The following FAT1 variants were observed in gnomAD, a reference collection of about 807,000 sequenced individuals.
The protein encoded by FAT1 is FAT atypical cadherin 1.
A neutral mutation model predicts 329.8 loss-of-function variants in FAT1; 171 were observed. The ratio of observed to expected loss-of-function variants is 0.52; its 90% confidence interval spans 0.46 to 0.59. The LOEUF (loss-of-function observed/expected upper bound fraction) is 0.59, where lower values mean the gene tolerates loss of function less well. FAT1 is among the 20% of genes least tolerant of loss of function. The probability of loss-of-function intolerance (pLI) is 0.00; values close to 1 mark genes in which losing one functional copy is unlikely to be tolerated. For synonymous variants in FAT1, 2,233 were observed against 2,228.6 expected (o/e 1.00, Z -0.06); for missense variants, 5,672 against 5,774.4 (o/e 0.98, Z 0.57).
chr4:186,655,880 A>G (rs1741877841), intron 3 of FAT1, among the ~76,000 whole-genome samples: 1 of 152,254 alleles, frequency 6.6e-6, no homozygotes, highest in Non-Finnish European at 1.5e-5. Context: ...GAAAATGCAA[A>G]CACTAGTTGC....
intron 11 of FAT1, among the ~76,000 whole-genome samples, chr4:186,614,841 G>A (rs2637775): frequency 0.2 from 30,016 of 151,808 alleles, 4,208 homozygotes; most frequent in African/African-American, 0.41. Context: ...GATTCTCGAA[G>A]GCCACAGAAG....
chr4:186,711,456 T>C (rs1302633213), intron 1 of FAT1, among the ~76,000 whole-genome samples: 4 of 152,216 alleles, frequency 2.6e-5, no homozygotes, highest in African/African-American at 9.7e-5. Flanking sequence ...ACAGTTCTAA[T>C]ACTCAGGGAA....
At chr4:186,590,420 AG>A in intron 26 of FAT1, 2 of 1,287,992 alleles carry the variant, frequency 1.6e-6, no homozygotes, top group Non-Finnish European at 2.0e-6. Context: ...GTGGCAGAGT[AG>A]AAAAAAAAGA....
rs541572474 is a variant in FAT1 at position 186,648,273 on chromosome 4, CAAAT to C, written c.3581-8494_3581-8491del. Among the ~76,000 whole-genome samples, 68 of 152,204 alleles carry C rather than the reference CAAAT, an allele frequency of 4.5e-4. No homozygotes were observed. The East Asian group carries it at 0.012, about 27-fold the overall frequency. On this transcript the variant is annotated intron_variant, in intron 3 of 26. Transcript: ENST00000441802. ...TTTAATCTTTAATGGGCATATTACTCAAATAAATTTAAATATTAAAACATTTTAA... is the reference window on the plus strand; with the variant it reads ...TTTAATCTTTAATGGGCATATTACTCAAATTTAAATATTAAAACATTTTAA...
At position 186,588,864 on chromosome 4, in the gene FAT1, A is replaced by C. The variant is rs757448356; in HGVS notation, c.13495T>G (p.Ser4499Ala). 1.9e-6 allele frequency: 3 copies of C among 1,614,016 alleles called. No homozygotes were observed. The highest frequency in any genetic ancestry group is 2.5e-6 in the Non-Finnish European group (3 of 1,179,898). ...YLPNFYPLDMSEPQTKGTGEN... is the reference protein window; with the variant it reads ...YLPNFYPLDMAEPQTKGTGEN... ...CCAGTGCCTTTTGTTTGAGGTTCAGACATATCGAGGGGATAAAAATTGGGC... is the reference window on the plus strand; with the variant it reads ...CCAGTGCCTTTTGTTTGAGGTTCAGCCATATCGAGGGGATAAAAATTGGGC... Residue 4499 changes from serine to alanine, a missense_variant, in exon 27 of 27, where the codon TCT (serine) becomes GCT (alanine). Physicochemically the swap from Ser to Ala is moderately conservative, Grantham distance 99. This residue lies in a region of FAT1 where 1,706 missense variants were observed against 1,859.1 expected (regional missense o/e 0.92). Coordinates refer to ENST00000441802, the MANE Select transcript of FAT1 (RefSeq NM_005245.4).
Position 186,587,902 on chromosome 4 carries a change from G to GT in FAT1, c.*689dup. 9.2e-6 allele frequency: 2 copies of GT among 217,708 alleles called. No homozygotes were observed. The highest frequency in any genetic ancestry group is 1.8e-5 in the Non-Finnish European group (2 of 108,162). 13.5% of individuals were successfully genotyped at this position (217,708 alleles called of 1,614,324 possible). A position where few individuals can be genotyped will look rare whatever the true frequency, so the allele number is the denominator to read the frequency against. ...CAAATATACAGACACTATAAAAACT[G>GT]TGTCATGGTGGTTTTGGTTCTAAAC... On this transcript the variant is annotated 3_prime_UTR_variant, in exon 27 of 27. Coordinates refer to ENST00000441802, the MANE Select transcript of FAT1 (RefSeq NM_005245.4).
intron 1 of FAT1, among the ~76,000 whole-genome samples, chr4:186,711,404 T>C (rs900570656): frequency 3.3e-5 from 5 of 151,486 alleles, no homozygotes; most frequent in African/African-American, 1.2e-4. Context: ...AAGAAAACAA[T>C]TTTCTCCCAA....
upstream of FAT1, among the ~76,000 whole-genome samples, chr4:186,726,099 A>G (rs999154642): frequency 6.6e-6 from 1 of 152,246 alleles, no homozygotes; most frequent in South Asian, 2.1e-4. Context: ...ATTCAAAATA[A>G]TGCACAAACA....
intron 2 of FAT1, among the ~76,000 whole-genome samples, chr4:186,674,254 C>T (rs768391147): frequency 2.6e-5 from 4 of 152,140 alleles, no homozygotes; most frequent in African/African-American, 9.7e-5. Context: ...TTATTTACTC[C>T]GTAATAAAGT....
intron 2 of FAT1, among the ~76,000 whole-genome samples, chr4:186,679,365 T>G (rs926955090): frequency 7.4e-6 from 1 of 134,914 alleles, no homozygotes; most frequent in East Asian, 2.2e-4. Flanking sequence ...TGCAGTGAGC[T>G]GAGATCGCAC....
rs2126401554 is a variant in FAT1, at chr4:186,597,979, C to T, written c.12250G>A (p.Gly4084Ser). The T allele has an allele frequency of 1.2e-6, 2 of 1,607,396 alleles. No individual in the cohort carries two copies. Among genetic ancestry groups the T allele is most frequent in the South Asian group, 1.1e-5 (1 of 89,234 alleles). ...TAAGAAAAATACACATACCTCTGACCAGTATATAATCCTCTACACTGGCAA... is the reference window on the plus strand; with the variant it reads ...TAAGAAAAATACACATACCTCTGACTAGTATATAATCCTCTACACTGGCAA... ...FVCQCRGLYTGQRCQLSPYCK... is the reference protein window; with the variant it reads ...FVCQCRGLYTSQRCQLSPYCK... The change falls in exon 23 of 27, where the codon GGT becomes AGT. Residue 4084 changes from glycine (G) to serine (S), a missense_variant. Transcript: ENST00000441802.
chr4:186,652,174 A>G (rs955516477), intron 3 of FAT1, among the ~76,000 whole-genome samples: 18 of 152,218 alleles, frequency 1.2e-4, no homozygotes, highest in Non-Finnish European at 2.5e-4. Flanking sequence ...AATTGATGGC[A>G]TTAAAACATA....
chr4:186,597,717 G>A lies in FAT1; in HGVS notation c.12333C>T (p.Ala4111=), dbSNP rs2306989. ...GGTCFDSLDG[A]VCQCDSGFRG... is the part of the protein sequence containing the mutation. ...TAAAACCCGAATCACACTGACAAACGGCGCCATCCAAACTGTCAAAGCATG... is the reference window on the plus strand; with the variant it reads ...TAAAACCCGAATCACACTGACAAACAGCGCCATCCAAACTGTCAAAGCATG... The change falls in exon 24 of 27, where the codon GCC becomes GCT. Residue 4111 remains alanine, a synonymous_variant. Transcript: ENST00000441802. 15,707 of 1,613,650 alleles carry A rather than the reference G, an allele frequency of 9.7e-3. 335 individuals are homozygous for A. Among genetic ancestry groups the A allele is most frequent in the African/African-American group, 0.074 (5,522 of 74,924 alleles).
rs148590919 is a variant in FAT1, at chr4:186,639,447, G to A, written c.3642+275C>T. 7.5e-3 allele frequency among the ~76,000 whole-genome samples: 1,146 copies of A among 152,114 alleles called. 8 individuals are homozygous for A. The highest frequency in any genetic ancestry group is 9.5e-3 in the Non-Finnish European group (649 of 67,988). ...CATGACACTGTTTATAGATCTGTTCGCCCCCTGTGTGTGCGCAAGCATAAA... is the reference window on the plus strand; with the variant it reads ...CATGACACTGTTTATAGATCTGTTCACCCCCTGTGTGTGCGCAAGCATAAA... On this transcript the variant is annotated intron_variant, in intron 4 of 26. Coordinates refer to ENST00000441802, the MANE Select transcript of FAT1 (RefSeq NM_005245.4).
chr4:186,691,780 T>C (rs73015636), intron 2 of FAT1, among the ~76,000 whole-genome samples: 13,001 of 152,022 alleles, frequency 0.086, 1,318 homozygotes, highest in African/African-American at 0.24. Flanking sequence ...TGTACTCCAG[T>C]CTGAGAAAGT....
intron 2 of FAT1, among the ~76,000 whole-genome samples, chr4:186,678,595 A>G (rs970289019): frequency 1.3e-5 from 2 of 148,630 alleles, no homozygotes; most frequent in South Asian, 4.2e-4. Context: ...ATTGTATATT[A>G]TTGATATTAT....
intron 2 of FAT1, among the ~76,000 whole-genome samples, chr4:186,696,564 G>C (rs564002837): frequency 1.3e-5 from 2 of 152,304 alleles, no homozygotes; most frequent in Admixed American, 1.3e-4. Context: ...GTCTGAGACA[G>C]AGTAATGTCA....
At chr4:186,670,624 TA>T (rs1188956859) in intron 2 of FAT1, among the ~76,000 whole-genome samples, 7 of 152,222 alleles carry the variant, frequency 4.6e-5, no homozygotes, top group Non-Finnish European at 1.0e-4. Context: ...TATTAAATGT[TA>T]ATCACTAAAA....
At chr4:186,599,849 A>G in intron 22 of FAT1, 49 bp downstream of exon 22, 1 of 1,407,338 alleles carries the variant, frequency 7.1e-7, no homozygotes, top group South Asian at 1.3e-5. Context: ...CTTCCCCTTA[A>G]ATGTACACAC....
Sources: gnomAD v4.1 joint callset for allele counts (sites outside exome capture counted in the v4.1 genomes callset) on GRCh38, gnomAD v4.1.1 for gene constraint, gnomAD v4.1.1 regional missense constraint, MANE v1.5 for transcripts, NCBI Gene and HGNC (gene_info 2026-07-23, HGNC 2026-07-21) for gene names.